Variants in NAV2 observed in about 807,000 individuals in gnomAD.
The protein encoded by NAV2 is neuron navigator 2, also known as helicase, APC down-regulated 1.
A neutral mutation model predicts 223.2 loss-of-function variants in NAV2; 54 were observed. The ratio of observed to expected loss-of-function variants is 0.24; its 90% CI spans 0.19 to 0.30. NAV2 has a LOEUF of 0.30. Among genes scored for constraint, NAV2 ranks in the 10% least tolerant of loss-of-function variants. NAV2 has a pLI of 1.00. For missense variants in NAV2, 2,806 were observed against 3,147.5 expected, an observed-to-expected ratio of 0.89 and a Z score of 2.60; for synonymous variants, 1,279 against 1,239.3, an observed-to-expected ratio of 1.03 and a Z score of -0.67.
intron 10 of NAV2, among the ~76,000 whole-genome samples, chr11:19,967,763 CAA>C (rs1054557959): frequency 1.3e-5 from 2 of 152,148 alleles, no homozygotes; most frequent in Non-Finnish European, 2.9e-5. Context: ...GAAAAGGAGA[CAA>C]AGAGGTGATC....
intron 1 of NAV2, among the ~76,000 whole-genome samples, chr11:19,438,853 G>T (rs1001985238): frequency 7.9e-5 from 12 of 152,130 alleles, no homozygotes; most frequent in African/African-American, 2.9e-4. Context: ...CAACCCAAAG[G>T]CTCTCTAAAC....
At position 19,851,056 on chromosome 11, in the gene NAV2, G is replaced by T. The variant is rs563065325; in HGVS notation, c.438+8133G>T. Among the ~76,000 whole-genome samples, 3 of 152,076 alleles carry T rather than the reference G, an allele frequency of 2.0e-5. No individual in the cohort carries two copies. The East Asian group carries it at 5.9e-4, about 30-fold the overall frequency. The stretch of plus-strand genomic sequence containing the variant: ...TTTAACAAGGTATAGCAAACACTTA[G>T]AGTAGGTACTGGTTTAGATATTTTA... On this transcript the variant is annotated intron_variant, in intron 3 of 37. Coordinates refer to ENST00000349880, the MANE Select transcript of NAV2 (RefSeq NM_145117.5).
At chr11:19,945,749 G>T (rs1165385141) in intron 8 of NAV2, among the ~76,000 whole-genome samples, 1 of 152,180 alleles carries the variant, frequency 6.6e-6, no homozygotes, top group Non-Finnish European at 1.5e-5. Context: ...ATCCCAGTTT[G>T]TCTCCACAAA....
At chr11:19,921,266 CAT>C (rs2044253942) in intron 6 of NAV2, among the ~76,000 whole-genome samples, 1 of 152,166 alleles carries the variant, frequency 6.6e-6, no homozygotes, top group African/African-American at 2.4e-5. Context: ...ATAATACAAT[CAT>C]AGAGAGTGAA....
intron 11 of NAV2, among the ~76,000 whole-genome samples, chr11:19,988,461 A>G (rs757886346): frequency 6.6e-6 from 1 of 152,212 alleles, no homozygotes; most frequent in Non-Finnish European, 1.5e-5. Flanking sequence ...GCTGTGTGGT[A>G]AAGAGTCAGC....
intron 1 of NAV2, among the ~76,000 whole-genome samples, chr11:19,508,100 G>A (rs1483440862): frequency 6.6e-6 from 1 of 152,192 alleles, no homozygotes; most frequent in East Asian, 1.9e-4. Flanking sequence ...CAGTGGTGGG[G>A]TGGGATGAAG....
chr11:19,563,818 A>G (rs2045178290), intron 1 of NAV2, among the ~76,000 whole-genome samples: 2 of 152,348 alleles, frequency 1.3e-5, no homozygotes, highest in East Asian at 1.9e-4. Context: ...CTCCTCCTGT[A>G]ACATGAAGAG....
At chr11:20,001,347 A>AT (rs1275685312) in intron 11 of NAV2, among the ~76,000 whole-genome samples, 1 of 151,242 alleles carries the variant, frequency 6.6e-6, no homozygotes, top group African/African-American at 2.4e-5. Flanking sequence ...CTTTTTTCCT[A>AT]TTTTCCCTGT....
chr11:19,913,229 G>T (rs1365966980), intron 6 of NAV2, among the ~76,000 whole-genome samples: 2 of 152,124 alleles, frequency 1.3e-5, no homozygotes, highest in Non-Finnish European at 2.9e-5. Context: ...GCATTGCCTG[G>T]TACATTTTGT....
intron 1 of NAV2, among the ~76,000 whole-genome samples, chr11:19,759,090 CTTTTTTTTTTTT>C (rs55675583): frequency 1.6e-5 from 1 of 63,868 alleles, no homozygotes; most frequent in Non-Finnish European, 2.9e-5. Flanking sequence ...CTGAAAGACA[CTTTTTTTTTTTT>C]TTTTTTTTTT....
At position 19,879,978 on chromosome 11, in the gene NAV2, G is replaced by T. The variant is rs373986249; in HGVS notation, c.621G>T (p.Pro207=). 19 of 1,603,496 alleles carry T rather than the reference G, an allele frequency of 1.2e-5. No homozygotes were observed. The highest frequency in any genetic ancestry group is 1.4e-5 in the Non-Finnish European group (17 of 1,176,148). ...PQKQHLSSPL[P]PAVSQVAGAP... is the part of the protein sequence containing the mutation. Reference sequence around the variant, plus strand: ...AGCAGCACCTCTCCTCACCTCTGCCGCCCGCCGTATCCCAGGTGGCCGGGG... The same window carrying T: ...AGCAGCACCTCTCCTCACCTCTGCCTCCCGCCGTATCCCAGGTGGCCGGGG... The change falls in exon 5 of 38, where the codon CCG becomes CCT. Residue 207 remains proline, a synonymous_variant. Coordinates refer to ENST00000349880, the MANE Select transcript of NAV2 (RefSeq NM_145117.5).
chr11:20,023,101 A>G, intron 11 of NAV2: 1 of 1,551,836 alleles, frequency 6.4e-7, no homozygotes, highest in Non-Finnish European at 8.7e-7. Flanking sequence ...GCCGCAATGT[A>G]GTGAAATGCT....
rs557949075 is a variant in NAV2 at position 19,765,199 on chromosome 11, T to A, written c.267+51237T>A. Among the ~76,000 whole-genome samples the A allele has an allele frequency of 1.6e-3, 245 of 152,336 alleles. 1 individual carries two copies. Among genetic ancestry groups the A allele is most frequent in the Non-Finnish European group, 3.0e-3 (207 of 68,034 alleles). ...TTCTGATAACACCGGAAATAAAATTTAAATGGCTTACAATTCTGTAGGTCT... is the reference window on the plus strand; with the variant it reads ...TTCTGATAACACCGGAAATAAAATTAAAATGGCTTACAATTCTGTAGGTCT... On this transcript the variant is annotated intron_variant, in intron 1 of 37. Coordinates refer to ENST00000349880, the MANE Select transcript of NAV2 (RefSeq NM_145117.5).
chr11:19,432,087 A>G (rs1851056767), intron 1 of NAV2, among the ~76,000 whole-genome samples: 1 of 152,098 alleles, frequency 6.6e-6, no homozygotes, highest in Admixed American at 6.6e-5. Flanking sequence ...AATCCCAGCT[A>G]CTTGGGAAGC....
At chr11:20,046,064 C>T (rs1350293283) in intron 14 of NAV2, among the ~76,000 whole-genome samples, 1 of 152,122 alleles carries the variant, frequency 6.6e-6, no homozygotes. Context: ...TGCTGGGCAC[C>T]GTGGCTCACG....
At chr11:19,392,668 G>A (rs1441068395) in intron 1 of NAV2, among the ~76,000 whole-genome samples, 2 of 152,214 alleles carry the variant, frequency 1.3e-5, no homozygotes, top group African/African-American at 4.8e-5. Flanking sequence ...TTCATTGGGA[G>A]TGAGTCTGGA....
chr11:19,948,038 C>A (rs894822802), intron 9 of NAV2, among the ~76,000 whole-genome samples: 3 of 151,912 alleles, frequency 2.0e-5, no homozygotes, highest in Non-Finnish European at 2.9e-5. Context: ...CTAATCAGTT[C>A]AGCATTTTCT....
chr11:19,619,698 C>A (rs1228099689), intron 1 of NAV2, among the ~76,000 whole-genome samples: 1 of 152,162 alleles, frequency 6.6e-6, no homozygotes, highest in African/African-American at 2.4e-5. Flanking sequence ...AATGTTCTCC[C>A]ATTCTGTAGG....
chr11:20,045,693 C>T, intron 14 of NAV2, 23 bp downstream of exon 14: 1 of 1,562,312 alleles, frequency 6.4e-7, no homozygotes, highest in Non-Finnish European at 8.8e-7. Context: ...ATAAATGGTG[C>T]AGAGCAGAAC....
Sources: gnomAD v4.1 joint callset for allele counts (sites outside exome capture counted in the v4.1 genomes callset) on GRCh38, gnomAD v4.1.1 for gene constraint, MANE v1.5 for transcripts, NCBI Gene and HGNC (gene_info 2026-07-23, HGNC 2026-07-21) for gene names.